Variants in SVOP observed in about 807,000 individuals in gnomAD.
SVOP encodes the protein synaptic vesicle 2-related protein.
In SVOP, 17 loss-of-function variants were observed where a neutral mutation model predicts 69.1. The ratio of observed to expected loss-of-function variants is 0.25; its 90% CI spans 0.17 to 0.37. The LOEUF is 0.37. Ranked by LOEUF, SVOP falls within the 10% of genes least tolerant of loss-of-function variation. The pLI is 1.00. For synonymous variants in SVOP, 238 were observed against 238.6 expected, an observed-to-expected ratio of 1.00 and a Z score of 0.02; for missense variants, 435 against 597.5, an observed-to-expected ratio of 0.73 and a Z score of 2.84.
At chr12:108,964,940 T>C (rs2040036804) in intron 5 of SVOP, among the ~76,000 whole-genome samples, 1 of 152,228 alleles carries the variant, frequency 6.6e-6, no homozygotes, top group African/African-American at 2.4e-5. Context: ...ACCTGCTGTA[T>C]ACCAGACACT....
rs1197490809 is a variant in SVOP, at chr12:108,912,175, T to C, written c.*360A>G. The C allele has an allele frequency of 8.8e-7, 1 of 1,132,304 alleles. No homozygotes were observed. The highest frequency in any genetic ancestry group is 6.1e-5 in the East Asian group (1 of 16,440). 70.1% of individuals were successfully genotyped at this position (1,132,304 alleles called of 1,614,324 possible). ...CATGGGCCTGAGCCTGGACGGTATC[T>C]ACAGAGAGATATTTTGGTTGTTCAC... On this transcript the variant is annotated 3_prime_UTR_variant, in exon 16 of 16. Transcript: ENST00000610966.
chr12:108,947,240 T>C (rs971579912), intron 6 of SVOP, among the ~76,000 whole-genome samples: 1 of 152,108 alleles, frequency 6.6e-6, no homozygotes, highest in Non-Finnish European at 1.5e-5. Context: ...TGGCAGAAGA[T>C]GGTATTTAGA....
chr12:108,939,377 C>T (rs1294227860), intron 8 of SVOP, among the ~76,000 whole-genome samples: 2 of 152,190 alleles, frequency 1.3e-5, no homozygotes, highest in Non-Finnish European at 2.9e-5. Flanking sequence ...ATCTCACCCC[C>T]ATTGTTCAAG....
chr12:108,951,295 T>C (rs770364140), intron 6 of SVOP, among the ~76,000 whole-genome samples: 99 of 152,172 alleles, frequency 6.5e-4, no homozygotes, highest in Non-Finnish European at 7.8e-4. Flanking sequence ...CTTACATAAA[T>C]GGTGTTTGGC....
intron 5 of SVOP, among the ~76,000 whole-genome samples, chr12:108,969,993 C>G (rs890626794): frequency 6.6e-6 from 1 of 152,206 alleles, no homozygotes; most frequent in Non-Finnish European, 1.5e-5. Context: ...CGAGGCCCAT[C>G]ATGGCTGCAT....
chr12:108,981,203 T>G (rs2040133636), intron 2 of SVOP, among the ~76,000 whole-genome samples: 1 of 152,228 alleles, frequency 6.6e-6, no homozygotes, highest in South Asian at 2.1e-4. Flanking sequence ...TGCCGAAAGC[T>G]AGATGTGCAT....
intron 10 of SVOP, among the ~76,000 whole-genome samples, chr12:108,936,808 C>T (rs758868238): frequency 1.0e-4 from 13 of 124,726 alleles, no homozygotes; most frequent in African/African-American, 1.8e-4. Context: ...CAGAGGCTCA[C>T]TGCCTCTGCA....
At chr12:108,924,009 G>A (rs565385419) in intron 11 of SVOP, among the ~76,000 whole-genome samples, 4 of 152,266 alleles carry the variant, frequency 2.6e-5, no homozygotes, top group Non-Finnish European at 5.9e-5. Flanking sequence ...GGTATTAAGA[G>A]GTAGGGACTT....
chr12:108,934,351 A>G, intron 10 of SVOP, 80 bp from the exon 11 acceptor site: 1 of 1,221,256 alleles, frequency 8.2e-7, no homozygotes, highest in Non-Finnish European at 1.2e-6. Context: ...GGGAAGGGCC[A>G]ATGTCTACAG....
chr12:108,909,199 G>A lies in SVOP; in HGVS notation c.*3336C>T, dbSNP rs1017605168. 6.6e-6 allele frequency: 1 copy of A among 152,144 alleles called. No individual in the cohort carries two copies. The highest frequency in any genetic ancestry group is 2.4e-5 in the African/African-American group (1 of 41,430). 9.4% of individuals were successfully genotyped at this position (152,144 alleles called of 1,614,324 possible). ...TTGAACCTTCTCTGATCTCTGCCTGGTTTTGGTTCTAATGGTTTAAGCCAC... is the reference window on the plus strand; with the variant it reads ...TTGAACCTTCTCTGATCTCTGCCTGATTTTGGTTCTAATGGTTTAAGCCAC... On this transcript the variant is annotated 3_prime_UTR_variant, in exon 16 of 16. Transcript: ENST00000610966.
intron 5 of SVOP, among the ~76,000 whole-genome samples, chr12:108,969,327 C>T (rs538403222): frequency 2.7e-5 from 4 of 149,892 alleles, no homozygotes; most frequent in Non-Finnish European, 4.4e-5. Context: ...CTTCCTCCCC[C>T]CTCCCTTCCT....
intron 11 of SVOP, among the ~76,000 whole-genome samples, chr12:108,924,420 G>T (rs989580798): frequency 2.6e-5 from 4 of 152,148 alleles, no homozygotes; most frequent in Admixed American, 1.3e-4. Flanking sequence ...CTCAGTTGTG[G>T]CATCTCCATC....
Position 108,915,858 on chromosome 12 carries a change from T to A in SVOP, c.1365A>T (p.Ala455=), listed in dbSNP as rs780446345. 1 of 1,606,424 alleles carries A rather than the reference T, an allele frequency of 6.2e-7. No homozygotes were observed. Among genetic ancestry groups the A allele is most frequent in the South Asian group, 1.1e-5 (1 of 89,608 alleles). ...YVYTPEVYPT[A]TRALGLGTCS... ...AGGTGCCCAGGCCGAGGGCCCGCGTTGCCGTGGGGTAGACCTGAAACACAG... is the reference window on the plus strand; with the variant it reads ...AGGTGCCCAGGCCGAGGGCCCGCGTAGCCGTGGGGTAGACCTGAAACACAG... Residue 455 remains alanine (A), a synonymous_variant, in exon 15 of 16, where the codon GCA becomes GCT. Coordinates refer to ENST00000610966, the MANE Select transcript of SVOP (RefSeq NM_018711.5).
chr12:108,991,920 G>A (rs887128755), intron 1 of SVOP, among the ~76,000 whole-genome samples: 2 of 151,986 alleles, frequency 1.3e-5, no homozygotes, highest in Admixed American at 1.3e-4. Flanking sequence ...CACCTAGCCT[G>A]GACAACAGAG....
chr12:109,004,757 A>G (rs534106791), intron 1 of SVOP, among the ~76,000 whole-genome samples: 4 of 150,396 alleles, frequency 2.7e-5, no homozygotes, highest in Non-Finnish European at 5.9e-5. Context: ...ATTTTATTTT[A>G]GATGGAGTCT....
intron 1 of SVOP, among the ~76,000 whole-genome samples, chr12:109,005,540 G>A (rs2040302023): frequency 6.6e-6 from 1 of 152,054 alleles, no homozygotes; most frequent in Non-Finnish European, 1.5e-5. Context: ...TTGGCAAGGT[G>A]GTTAATACAC....
chr12:108,930,998 G>C (rs975731322), intron 11 of SVOP, among the ~76,000 whole-genome samples: 2 of 152,164 alleles, frequency 1.3e-5, no homozygotes, highest in African/African-American at 4.8e-5. Context: ...GAAAAAGATT[G>C]CTAACCCCTG....
At chr12:108,925,793 C>CCT (rs2039776708) in intron 11 of SVOP, among the ~76,000 whole-genome samples, 1 of 152,112 alleles carries the variant, frequency 6.6e-6, no homozygotes, top group African/African-American at 2.4e-5. Context: ...GCCCTTTATC[C>CCT]CTCCCCATGA....
At chr12:109,005,944 C>T (rs1406592368) in intron 1 of SVOP, among the ~76,000 whole-genome samples, 1 of 152,140 alleles carries the variant, frequency 6.6e-6, no homozygotes, top group Non-Finnish European at 1.5e-5. Context: ...GGAAGGGTTT[C>T]AAGTAGCAGC....
Sources: gnomAD v4.1 joint callset for allele counts (sites outside exome capture counted in the v4.1 genomes callset) on GRCh38, gnomAD v4.1.1 for gene constraint, MANE v1.5 for transcripts, NCBI Gene and HGNC (gene_info 2026-07-23, HGNC 2026-07-21) for gene names.